Variants in KLRK1 observed in about 807,000 individuals in gnomAD.
The protein encoded by KLRK1 is NKG2-D type II integral membrane protein.
KLRK1 carries 40 observed loss-of-function variants against 31.3 expected under a neutral mutation model. That is an observed-to-expected ratio of 1.28 (90% confidence interval 0.99 to 1.67). KLRK1 has a LOEUF of 1.67. Ranked by LOEUF, KLRK1 falls within the 40% of genes most tolerant of loss-of-function variation. The pLI, the probability that KLRK1 is intolerant of heterozygous loss-of-function variation, is 0.00. For synonymous variants in KLRK1, 77 were observed against 77.3 expected (o/e 1.00, Z 0.02); for missense variants, 251 against 260.0 (o/e 0.97, Z 0.24).
At chr12:10,385,679 CT>C (rs1245925995) in intron 3 of KLRK1, among the ~76,000 whole-genome samples, 3 of 151,880 alleles carry the variant, frequency 2.0e-5, no homozygotes, top group Non-Finnish European at 4.4e-5. Context: ...CGGGATTTTT[CT>C]AGTGTTCTAT....
chr12:10,388,249 G>A (rs924537557), intron 2 of KLRK1, among the ~76,000 whole-genome samples: 2 of 151,980 alleles, frequency 1.3e-5, no homozygotes, highest in East Asian at 1.9e-4. Context: ...TGCTAGAGAT[G>A]GCCAAAATCA....
intron 7 of KLRK1, among the ~76,000 whole-genome samples, chr12:10,373,811 A>G (rs1204716052): frequency 1.3e-5 from 2 of 152,188 alleles, no homozygotes; most frequent in Non-Finnish European, 2.9e-5. Flanking sequence ...ATTAATAATG[A>G]TACTTTGTTT....
rs1591587845 is a variant in KLRK1, at chr12:10,388,699, G to A, written c.40+72C>T. On this transcript the variant is annotated intron_variant, in intron 2 of 7. Transcript: ENST00000240618. Reference sequence around the variant, plus strand: ...TAAATTGCTTGCCTATGCCTTATATGCTTGTATGAAATTCTTGGTATCTTA... The same window carrying A: ...TAAATTGCTTGCCTATGCCTTATATACTTGTATGAAATTCTTGGTATCTTA... 1.9e-6 allele frequency: 3 copies of A among 1,588,132 alleles called. No individual in the cohort carries two copies. The African/African-American group carries it at 4.0e-5, about 21-fold the overall frequency.
intron 3 of KLRK1, among the ~76,000 whole-genome samples, chr12:10,384,974 A>G (rs2927561): frequency 0.75 from 113,390 of 151,928 alleles, 43,187 homozygotes; most frequent in South Asian, 0.88. Context: ...AAATAGCCAC[A>G]GATATATTTT....
Position 10,378,693 on chromosome 12 carries a change from C to T in KLRK1, c.290G>A (p.Gly97Asp). The change falls in exon 6 of 8, where the codon GGC becomes GAC. Residue 97 changes from glycine (G) to aspartate (D), a missense_variant. Transcript: ENST00000240618. ...VQIPLTESYCGPCPKNWICYK... is the reference protein window; with the variant it reads ...VQIPLTESYCDPCPKNWICYK... The stretch of plus-strand genomic sequence containing the variant: ...ACATATCCAGTTTTTAGGACATGGG[C>T]CACAGTAACTTTCTGGAAAAGGAGA... 6.3e-7 allele frequency: 1 copy of T among 1,597,046 alleles called. No individual in the cohort carries two copies. Among genetic ancestry groups the T allele is most frequent in the South Asian group, 1.1e-5 (1 of 87,760 alleles).
intron 3 of KLRK1, among the ~76,000 whole-genome samples, chr12:10,380,480 G>A (rs189452633): frequency 1.2e-4 from 18 of 152,288 alleles, no homozygotes; most frequent in African/African-American, 2.4e-4. Context: ...AAAACAACAA[G>A]TAGATAACCA....
At chr12:10,385,097 CAGTG>C (rs1330678478) in intron 3 of KLRK1, among the ~76,000 whole-genome samples, 1 of 151,878 alleles carries the variant, frequency 6.6e-6, no homozygotes, top group Non-Finnish European at 1.5e-5. Context: ...TAACAAATGA[CAGTG>C]AGGATGCAGG....
At chr12:10,379,845 A>G (rs1863037533) in intron 3 of KLRK1, 53 bp from the exon 4 acceptor site, 2 of 1,484,712 alleles carry the variant, frequency 1.3e-6, no homozygotes, top group African/African-American at 1.4e-5. Context: ...AGGTTTGGGT[A>G]TCTTTGTATT....
chr12:10,379,841 G>C, intron 3 of KLRK1, 49 bp from the exon 4 acceptor site: 3 of 1,502,358 alleles, frequency 2.0e-6, no homozygotes, highest in Non-Finnish European at 1.8e-6. Flanking sequence ...TAAAAGGTTT[G>C]GGTATCTTTG....
At chr12:10,384,294 G>A (rs903464121) in intron 3 of KLRK1, among the ~76,000 whole-genome samples, 2 of 151,906 alleles carry the variant, frequency 1.3e-5, no homozygotes, top group Non-Finnish European at 2.9e-5. Flanking sequence ...AATAGCCAAA[G>A]CAATCTTGAA....
In KLRK1 at chr12:10,378,176, A is replaced by G; in HGVS notation, c.489T>C (p.Asn163=). 3.1e-6 allele frequency: 5 copies of G among 1,614,160 alleles called. No individual in the cohort carries two copies. The Admixed American group carries it at 8.3e-5, about 27-fold the overall frequency. ...AGCCATCTTCCCACTGCCAAGATCC[A>G]TTTGTTGGAATGTGTACTAGTCCCA... ...HWMGLVHIPT[N]GSWQWEDGSI... is the part of the protein sequence containing the mutation. Residue 163 remains asparagine, a synonymous_variant, in exon 7 of 8, where the codon AAT becomes AAC. Coordinates refer to ENST00000240618, the MANE Select transcript of KLRK1 (RefSeq NM_007360.4).
At chr12:10,385,367 GACACACACACACACAC>G (rs3055416) in intron 3 of KLRK1, among the ~76,000 whole-genome samples, 10 of 145,708 alleles carry the variant, frequency 6.9e-5, no homozygotes, top group African/African-American at 2.6e-4. Context: ...AGCACACACA[GACACACACACACACAC>G]ACACACACAC....
At chr12:10,388,665 GAATC>G in intron 2 of KLRK1, 102 bp downstream of exon 2, 1 of 1,238,478 alleles carries the variant, frequency 8.1e-7, no homozygotes, top group Non-Finnish European at 1.2e-6. Flanking sequence ...AACATGAAAA[GAATC>G]AGAGTAAATT....
chr12:10,378,185 A>G lies in KLRK1; in HGVS notation c.480T>C (p.Ile160=). The change falls in exon 7 of 8, where the codon ATT becomes ATC. Residue 160 remains isoleucine, a synonymous_variant. Transcript: ENST00000240618. ...CCCACTGCCAAGATCCATTTGTTGG[A>G]ATGTGTACTAGTCCCATCCAATGAT... ...KSYHWMGLVH[I]PTNGSWQWED... is the part of the protein sequence containing the mutation. The G allele has an allele frequency of 6.2e-7, 1 of 1,614,154 alleles. No homozygotes were observed. Among genetic ancestry groups the G allele is most frequent in the Non-Finnish European group, 8.5e-7 (1 of 1,179,992 alleles).
intron 5 of KLRK1, 147 bp downstream of exon 5, chr12:10,379,300 A>G (rs1863025603): frequency 1.8e-5 from 6 of 327,460 alleles, no homozygotes. Flanking sequence ...GTATTCCCTC[A>G]TTGTTAAAAG....
intron 7 of KLRK1, among the ~76,000 whole-genome samples, chr12:10,374,401 T>C (rs1862924796): frequency 6.7e-6 from 1 of 150,038 alleles, no homozygotes; most frequent in African/African-American, 2.5e-5. Context: ...CTCTCTCTTT[T>C]TTTTTTTTTT....
Position 10,386,904 on chromosome 12 carries a change from A to G in KLRK1, c.147T>C (p.Asn49=), listed in dbSNP as rs376040069. ...CPVVKSKCRE[N]ASPFFFCCFI... ...AGACAAATGGAACATAGGACTTACCATTTTCTCTACATTTGCTTTTGACTA... is the reference window on the plus strand; with the variant it reads ...AGACAAATGGAACATAGGACTTACCGTTTTCTCTACATTTGCTTTTGACTA... The change falls in exon 3 of 8, where the codon AAT becomes AAC. Residue 49 remains asparagine (N), a splice_region_variant and synonymous_variant. Coordinates refer to ENST00000240618, the MANE Select transcript of KLRK1 (RefSeq NM_007360.4). 1 of 1,611,432 alleles carries G rather than the reference A, an allele frequency of 6.2e-7. No homozygotes were observed. Among genetic ancestry groups the G allele is most frequent in the Non-Finnish European group, 8.5e-7 (1 of 1,178,790 alleles).
At chr12:10,388,588 G>T (rs1176858549) in intron 2 of KLRK1, among the ~76,000 whole-genome samples, 183 bp downstream of exon 2, 1 of 152,122 alleles carries the variant, frequency 6.6e-6, no homozygotes, top group Non-Finnish European at 1.5e-5. Flanking sequence ...AGGGAAAAAA[G>T]TTTTTAAGTT....
At chr12:10,377,577 ACTAAT>A (rs144019353) in intron 7 of KLRK1, among the ~76,000 whole-genome samples, 89,774 of 151,376 alleles carry the variant, frequency 0.59, 28,093 homozygotes, top group Non-Finnish European at 0.7. Flanking sequence ...TGAATTGCAA[ACTAAT>A]CTAAAGTGAC....
Sources: gnomAD v4.1 joint callset for allele counts (sites outside exome capture counted in the v4.1 genomes callset) on GRCh38, gnomAD v4.1.1 for gene constraint, MANE v1.5 for transcripts, NCBI Gene and HGNC (gene_info 2026-07-23, HGNC 2026-07-21) for gene names.